Variants in RGS17 observed in about 807,000 individuals in gnomAD.
The protein encoded by RGS17 is regulator of G protein signaling 17, also known as regulator of G-protein signaling 17.
In RGS17, 12 loss-of-function variants were observed where a neutral mutation model predicts 25.5. The ratio of observed to expected loss-of-function variants is 0.47; its 90% CI spans 0.30 to 0.76. The LOEUF (loss-of-function observed/expected upper bound fraction) is 0.76. RGS17 is among the 30% of genes least tolerant of loss of function. The pLI, the probability that RGS17 is intolerant of heterozygous loss-of-function variation, is 0.07. For synonymous variants in RGS17, 71 were observed against 76.9 expected (o/e 0.92, Z 0.40); for missense variants, 196 against 242.2 (o/e 0.81, Z 1.27).
At chr6:153,082,758 T>G (rs1777003005) in intron 1 of RGS17, among the ~76,000 whole-genome samples, 1 of 152,198 alleles carries the variant, frequency 6.6e-6, no homozygotes, top group South Asian at 2.1e-4. Flanking sequence ...TATGTTAATT[T>G]TACATCATTA....
intron 1 of RGS17, among the ~76,000 whole-genome samples, chr6:153,113,445 C>T (rs955746245): frequency 1.3e-5 from 2 of 152,086 alleles, no homozygotes; most frequent in African/African-American, 4.8e-5. Flanking sequence ...TTCTTAGAGG[C>T]CTATTAGGGA....
chr6:153,034,370 C>T (rs1420052694), intron 2 of RGS17, among the ~76,000 whole-genome samples: 1 of 152,128 alleles, frequency 6.6e-6, no homozygotes, highest in East Asian at 1.9e-4. Context: ...GGCTGGGAAG[C>T]GCGAAGTGAT....
chr6:153,016,970 G>GT (rs1779191474), intron 4 of RGS17, among the ~76,000 whole-genome samples: 1 of 152,120 alleles, frequency 6.6e-6, no homozygotes, highest in Non-Finnish European at 1.5e-5. Flanking sequence ...AGGGACTGAG[G>GT]AATTTCCTGT....
intron 1 of RGS17, among the ~76,000 whole-genome samples, chr6:153,063,575 T>C (rs1468895132): frequency 6.6e-6 from 1 of 152,084 alleles, no homozygotes; most frequent in Non-Finnish European, 1.5e-5. Context: ...CAATGAAGCA[T>C]GCCTACAGGA....
At chr6:153,070,692 TGTG>T (rs1229447481) in intron 1 of RGS17, among the ~76,000 whole-genome samples, 6 of 117,436 alleles carry the variant, frequency 5.1e-5, no homozygotes, top group African/African-American at 1.8e-4. Flanking sequence ...TGTGTGTGTG[TGTG>T]TGTGTGTATA....
At chr6:153,095,615 A>T (rs1777198281) in intron 1 of RGS17, among the ~76,000 whole-genome samples, 1 of 152,106 alleles carries the variant, frequency 6.6e-6, no homozygotes, top group South Asian at 2.1e-4. Flanking sequence ...TCTCTAAAGT[A>T]AGTATTTAAA....
At chr6:153,072,008 C>T (rs999012713) in intron 1 of RGS17, among the ~76,000 whole-genome samples, 1 of 152,208 alleles carries the variant, frequency 6.6e-6, no homozygotes, top group East Asian at 1.9e-4. Context: ...AGTGAGCTGT[C>T]AATTGATGTT....
At chr6:153,039,258 C>G (rs1475836239) in intron 2 of RGS17, among the ~76,000 whole-genome samples, 1 of 152,192 alleles carries the variant, frequency 6.6e-6, no homozygotes, top group Non-Finnish European at 1.5e-5. Context: ...ATCAGCAAGC[C>G]ATCAGTTTCC....
chr6:153,017,836 T>G (rs1779199866), intron 4 of RGS17, among the ~76,000 whole-genome samples: 1 of 152,214 alleles, frequency 6.6e-6, no homozygotes, highest in Admixed American at 6.5e-5. Context: ...TTTCCCTTTA[T>G]AAGTCCATAT....
intron 1 of RGS17, among the ~76,000 whole-genome samples, chr6:153,108,041 C>G (rs144400186): frequency 1.5e-4 from 23 of 152,188 alleles, no homozygotes; most frequent in African/African-American, 5.3e-4. Context: ...GATTGGAAAC[C>G]CTGAGTTCAT....
chr6:153,022,625 T>C (rs1177528387), intron 4 of RGS17, among the ~76,000 whole-genome samples: 1 of 152,194 alleles, frequency 6.6e-6, no homozygotes, highest in African/African-American at 2.4e-5. Flanking sequence ...TCCCAAGGAC[T>C]CTCATTTTGT....
intron 1 of RGS17, among the ~76,000 whole-genome samples, chr6:153,054,650 CAAATAAATAAAT>C (rs55901939): frequency 0.016 from 2,317 of 141,826 alleles, 30 homozygotes; most frequent in Admixed American, 0.036. Flanking sequence ...GACTTCATCT[CAAATAAATAAAT>C]AAATAAATAA....
intron 4 of RGS17, among the ~76,000 whole-genome samples, chr6:153,015,291 T>G (rs1431371630): frequency 1.3e-5 from 2 of 152,302 alleles, no homozygotes; most frequent in South Asian, 4.1e-4. Flanking sequence ...GAGGATTGAC[T>G]CCTATTTTGA....
Position 153,009,446 on chromosome 6 carries a change from A to T in RGS17, c.*2128T>A, listed in dbSNP as rs1779109428. 1 of 152,056 alleles carries T rather than the reference A, an allele frequency of 6.6e-6. No individual in the cohort carries two copies. Among genetic ancestry groups the T allele is most frequent in the Non-Finnish European group, 1.5e-5 (1 of 67,890 alleles). The allele number at this position is 152,056 out of a possible 1,614,324, so 9.4% of individuals were successfully genotyped here. A position where few individuals can be genotyped will look rare whatever the true frequency, so the allele number is the denominator to read the frequency against. On this transcript the variant is annotated 3_prime_UTR_variant, in exon 5 of 5. Coordinates refer to ENST00000206262, the MANE Select transcript of RGS17 (RefSeq NM_012419.5). ...AAATTAAATAATTTAGGAACAATAG[A>T]ACTTCACAATAGAAGTGATGATTCT...
chr6:153,019,295 TCTTCAATTCA>T (rs1779215546), intron 4 of RGS17, among the ~76,000 whole-genome samples: 1 of 152,232 alleles, frequency 6.6e-6, no homozygotes, highest in African/African-American at 2.4e-5. Flanking sequence ...ACCATGGTTT[TCTTCAATTCA>T]GATACATATC....
At chr6:153,025,651 T>C (rs1200520750) in intron 3 of RGS17, among the ~76,000 whole-genome samples, 4 of 142,780 alleles carry the variant, frequency 2.8e-5, no homozygotes, top group African/African-American at 5.2e-5. Context: ...TAAACATATA[T>C]ATATAAAAAC....
At chr6:153,035,220 A>G (rs1221345997) in intron 2 of RGS17, among the ~76,000 whole-genome samples, 1 of 152,112 alleles carries the variant, frequency 6.6e-6, no homozygotes, top group African/African-American at 2.4e-5. Context: ...TTCACTTAGG[A>G]ACAGATATTC....
chr6:153,041,221 T>C (rs1328465277), intron 2 of RGS17, among the ~76,000 whole-genome samples: 1 of 152,192 alleles, frequency 6.6e-6, no homozygotes, highest in Non-Finnish European at 1.5e-5. Context: ...AGAAATTTTC[T>C]ATCATTTATC....
intron 1 of RGS17, among the ~76,000 whole-genome samples, chr6:153,069,772 A>G (rs373015158): frequency 6.1e-5 from 5 of 82,414 alleles, no homozygotes; most frequent in Non-Finnish European, 1.2e-4. Context: ...GTGTGTGTGT[A>G]TCTACTGTGT....
Sources: allele counts gnomAD v4.1 joint callset (sites outside exome capture counted in the v4.1 genomes callset), GRCh38; gene constraint gnomAD v4.1.1; transcripts MANE v1.5; gene names NCBI Gene and HGNC (gene_info 2026-07-23, HGNC 2026-07-21).